The following SLC35E4 variants were observed in gnomAD, a reference collection of about 807,000 sequenced individuals.
SLC35E4 encodes the protein solute carrier family 35, member E4.
In SLC35E4, 15 loss-of-function variants were observed where a neutral mutation model predicts 19.3. The ratio of observed to expected loss-of-function variants is 0.78; its 90% confidence interval spans 0.52 to 1.20. SLC35E4 has a LOEUF of 1.20. Ranked by LOEUF, SLC35E4 falls within the 50% of genes most tolerant of loss-of-function variation. The pLI is 0.00. For missense variants in SLC35E4, 406 were observed against 472.3 expected (o/e 0.86, Z 1.30); for synonymous variants, 219 against 219.9 (o/e 1.00, Z 0.04).
Position 30,658,905 on chromosome 22 carries a change from G to C in SLC35E4, c.*9-3155G>C, listed in dbSNP as rs185802235. On this transcript the variant is annotated intron_variant, in intron 2 of 2. Transcript: ENST00000406566. ...CACGCCTGTAATCCCAGCACTTTGG[G>C]AGGCTGAGGCGGGTGGATCACGAGA... Among the ~76,000 whole-genome samples the C allele has an allele frequency of 2.7e-3, 418 of 152,228 alleles. 4 individuals are homozygous for C. The highest frequency in any genetic ancestry group is 9.4e-3 in the African/African-American group (392 of 41,538).
downstream of SLC35E4, among the ~76,000 whole-genome samples, chr22:30,664,349 C>T (rs1363459492): frequency 6.6e-6 from 1 of 152,216 alleles, no homozygotes; most frequent in Non-Finnish European, 1.5e-5. Flanking sequence ...GGACAAATGG[C>T]AAGTCCCCAA....
chr22:30,637,117 C>T (rs1271082831), intron 1 of SLC35E4, 48 bp downstream of exon 1: 10 of 1,526,752 alleles, frequency 6.5e-6, no homozygotes, highest in Non-Finnish European at 8.8e-6. Context: ...CGGGTGGGTG[C>T]ATGGCCTGGA....
chr22:30,639,256 T>G (rs2087997687), intron 1 of SLC35E4, among the ~76,000 whole-genome samples: 1 of 152,014 alleles, frequency 6.6e-6, no homozygotes, highest in Admixed American at 6.6e-5. Context: ...TGATTAGTGA[T>G]TTTCAAAAGG....
intron 1 of SLC35E4, among the ~76,000 whole-genome samples, chr22:30,638,638 C>CCTGT (rs1602070556): frequency 6.6e-6 from 1 of 151,334 alleles, no homozygotes; most frequent in East Asian, 2.0e-4. Context: ...ATGGGGAAAC[C>CCTGT]CTGTCTCTAC....
intron 2 of SLC35E4, chr22:30,661,458 T>TC (rs2145605321): frequency 6.6e-6 from 1 of 151,006 alleles, no homozygotes; most frequent in South Asian, 2.1e-4. Flanking sequence ...TTTTTTTTTT[T>TC]TCTTTTTGAG....
intron 2 of SLC35E4, chr22:30,653,987 T>TG (rs1051438534): frequency 4.4e-4 from 69 of 155,760 alleles, no homozygotes; most frequent in Non-Finnish European, 7.3e-4. Context: ...GTTTTTTTGT[T>TG]TTTTTTTTTT....
downstream of SLC35E4, among the ~76,000 whole-genome samples, chr22:30,652,884 T>C (rs1022047568): frequency 2.6e-5 from 4 of 152,200 alleles, no homozygotes; most frequent in African/African-American, 9.6e-5. Context: ...CCTTCCCACA[T>C]TGACTACACA....
intron 1 of SLC35E4, 106 bp from the exon 2 acceptor site, chr22:30,646,492 G>A (rs1238368153): frequency 4.3e-5 from 58 of 1,340,852 alleles, no homozygotes; most frequent in South Asian, 4.2e-5. Context: ...AGCCCTGCCC[G>A]AGGGGTCCGG....
chr22:30,659,123 C>CAAAAAAA (rs35939188), intron 2 of SLC35E4, among the ~76,000 whole-genome samples: 1 of 104,716 alleles, frequency 9.5e-6, no homozygotes. Flanking sequence ...GACTCCATCT[C>CAAAAAAA]AAAAAAAAAA....
At chr22:30,661,702 C>T (rs1602101093) in intron 2 of SLC35E4, 1 of 152,246 alleles carries the variant, frequency 6.6e-6, no homozygotes, top group Non-Finnish European at 1.5e-5. Flanking sequence ...TTGCTGAAAA[C>T]CTCTGGATCA....
chr22:30,663,759 AAGTCACAGAGACGTGAGTTAGGGGAGTC>A, downstream of SLC35E4: 1 of 1,614,210 alleles, frequency 6.2e-7, no homozygotes, highest in East Asian at 2.2e-5. Context: ...AGGGTCAAAG[AAGTCACAGAGACGTGAGTTAGGGGAGTC>A]AGCCACAGGT....
chr22:30,660,133 AT>A (rs1243626050), intron 2 of SLC35E4, among the ~76,000 whole-genome samples: 4 of 152,348 alleles, frequency 2.6e-5, no homozygotes, highest in African/African-American at 9.6e-5. Context: ...ATGAAACGTG[AT>A]TTGGACCTTG....
Position 30,657,906 on chromosome 22 carries a change from AAATAATAATAATAATAAT to A in SLC35E4, c.*9-4123_*9-4106del, listed in dbSNP as rs56297954. ...GCAACAGTGCAAGACTCTGTCTCAA[AAATAATAATAATAATAAT>A]AATAATAATAATAATAATAATAATA... On this transcript the variant is annotated intron_variant, in intron 2 of 2. Transcript: ENST00000406566. Among the ~76,000 whole-genome samples, 431 of 129,942 alleles carry A rather than the reference AAATAATAATAATAATAAT, an allele frequency of 3.3e-3. 2 individuals are homozygous for A. Among genetic ancestry groups the A allele is most frequent in the African/African-American group, 0.01 (354 of 35,026 alleles). The allele number at this position is 129,942 out of a possible 152,430, so 85.2% of individuals were successfully genotyped here. A position where few individuals can be genotyped will look rare whatever the true frequency, so the allele number is the denominator to read the frequency against.
At position 30,636,815 on chromosome 22, in the gene SLC35E4, C is replaced by G. The variant is rs1281664523; in HGVS notation, c.365C>G (p.Ala122Gly). The G allele has an allele frequency of 6.2e-7, 1 of 1,612,854 alleles. No homozygotes were observed. The highest frequency in any genetic ancestry group is 8.5e-7 in the Non-Finnish European group (1 of 1,179,626). ...AGTCTCACCTTTGGCACGTCCATGG[C>G]CTGCGGCAACGTGGGCCTAAGGGCT... ...LLSLTFGTSMACGNVGLRAVP... is the reference protein window; with the variant it reads ...LLSLTFGTSMGCGNVGLRAVP... The change falls in exon 1 of 2, where the codon GCC (alanine) becomes GGC (glycine). Residue 122 changes from alanine (A) to glycine (G), a missense_variant. Coordinates refer to ENST00000343605, the MANE Select transcript of SLC35E4 (RefSeq NM_001001479.4).
chr22:30,651,428 T>TATATATA (rs56207223), downstream of SLC35E4, among the ~76,000 whole-genome samples: 2 of 25,360 alleles, frequency 7.9e-5, no homozygotes, highest in African/African-American at 3.1e-4. Flanking sequence ...TATATATATA[T>TATATATA]TTTTTTTTTT....
downstream of SLC35E4, chr22:30,665,470 C>T (rs1173323191): frequency 2.1e-6 from 1 of 467,692 alleles, no homozygotes; most frequent in African/African-American, 2.0e-5. Context: ...ATCTCTCAGT[C>T]TCTTTCCTTA....
At chr22:30,659,110 C>A (rs1395201799) in intron 2 of SLC35E4, among the ~76,000 whole-genome samples, 1 of 121,126 alleles carries the variant, frequency 8.3e-6, no homozygotes, top group African/African-American at 3.4e-5. Context: ...GGCGACACAG[C>A]GAGACTCCAT....
chr22:30,667,561 A>T (rs2088723908), downstream of SLC35E4: 2 of 152,344 alleles, frequency 1.3e-5, no homozygotes, highest in South Asian at 4.1e-4. Flanking sequence ...ATGATCCCGC[A>T]GCCTCAATCC....
chr22:30,650,881 T>C (rs1462864593), downstream of SLC35E4, among the ~76,000 whole-genome samples: 1 of 152,156 alleles, frequency 6.6e-6, no homozygotes, highest in African/African-American at 2.4e-5. Flanking sequence ...AAGCTGGGTC[T>C]GTGCTGGGCA....
Sources: allele counts gnomAD v4.1 joint callset (sites outside exome capture counted in the v4.1 genomes callset), GRCh38; gene constraint gnomAD v4.1.1; transcripts MANE v1.5; gene names NCBI Gene and HGNC (gene_info 2026-07-23, HGNC 2026-07-21).